The following PARP14 variants were observed in gnomAD, a reference collection of about 807,000 sequenced individuals.
The protein encoded by PARP14 is protein mono-ADP-ribosyltransferase PARP14.
PARP14 carries 59 observed loss-of-function variants against 154.2 expected under a neutral mutation model. The ratio of observed to expected loss-of-function variants is 0.38; its 90% CI spans 0.31 to 0.48. The LOEUF (loss-of-function observed/expected upper bound fraction) is 0.48, where lower values mean the gene tolerates loss of function less well. PARP14 is among the 20% of genes least tolerant of loss of function. The pLI, the probability that PARP14 is intolerant of heterozygous loss-of-function variation, is 0.98. For missense variants in PARP14, 1,734 were observed against 2,131.6 expected (o/e 0.81, Z 3.67); for synonymous variants, 720 against 780.5 (o/e 0.92, Z 1.29).
intron 9 of PARP14, among the ~76,000 whole-genome samples, chr3:122,710,492 A>G (rs1939290266): frequency 6.6e-6 from 1 of 152,048 alleles, no homozygotes; most frequent in Non-Finnish European, 1.5e-5. Flanking sequence ...GGGTAATGTG[A>G]TGTCTCCAGA....
intron 9 of PARP14, among the ~76,000 whole-genome samples, chr3:122,708,670 C>T (rs1464700013): frequency 6.6e-6 from 1 of 152,122 alleles, no homozygotes; most frequent in Non-Finnish European, 1.5e-5. Flanking sequence ...AAATGTATGT[C>T]TTTCATCAAA....
Position 122,729,898 on chromosome 3 carries a change from T to C in PARP14, c.*1301T>C, listed in dbSNP as rs907914092. 6.6e-6 allele frequency: 1 copy of C among 152,346 alleles called. No individual in the cohort carries two copies. Among genetic ancestry groups the C allele is most frequent in the Non-Finnish European group, 1.5e-5 (1 of 68,036 alleles). The allele number at this position is 152,346 out of a possible 1,614,324, so 9.4% of individuals were successfully genotyped here. ...AGCGTTTGATGATTTTAAAGCCTTATGTATAAATAAACCAAAGGAAGTAAG... is the reference window on the plus strand; with the variant it reads ...AGCGTTTGATGATTTTAAAGCCTTACGTATAAATAAACCAAAGGAAGTAAG... On this transcript the variant is annotated 3_prime_UTR_variant, in exon 17 of 17. Transcript: ENST00000474629.
intron 1 of PARP14, chr3:122,683,257 C>T (rs1156573219): frequency 2.0e-6 from 2 of 979,564 alleles, no homozygotes; most frequent in Non-Finnish European, 2.4e-6. Context: ...CATTCTTCTT[C>T]TGCAGAGGAC....
Position 122,701,139 on chromosome 3 carries a change from G to C in PARP14, c.2585G>C (p.Gly862Ala), listed in dbSNP as rs773698169. Residue 862 changes from glycine (G) to alanine (A), a missense_variant, in exon 6 of 17, where the codon GGC becomes GCC. Physicochemically the swap from Gly to Ala is moderately conservative, Grantham distance 60. Transcript: ENST00000474629. The surrounding 1 kb of genome is among the most constrained non-coding windows in gnomAD (Gnocchi z 4.0). Reference sequence around the variant, plus strand: ...AAGAGAGAGGGCAGACTCCTACCGGGCAATGCCACCATCTCCAAGGCAGGA... The same window carrying C: ...AAGAGAGAGGGCAGACTCCTACCGGCCAATGCCACCATCTCCAAGGCAGGA... ...IVKREGRLLP[G>A]NATISKAGKL... The C allele has an allele frequency of 6.2e-7, 1 of 1,613,952 alleles. No homozygotes were observed. The highest frequency in any genetic ancestry group is 1.1e-5 in the South Asian group (1 of 91,084).
intron 15 of PARP14, among the ~76,000 whole-genome samples, chr3:122,722,904 T>C (rs1207454267): frequency 2.0e-5 from 3 of 152,064 alleles, no homozygotes; most frequent in African/African-American, 7.2e-5. Flanking sequence ...AAACTTAACA[T>C]TAATTCAGTA....
intron 12 of PARP14, among the ~76,000 whole-genome samples, chr3:122,717,358 G>A (rs1303717986): frequency 6.6e-6 from 1 of 152,208 alleles, no homozygotes; most frequent in Non-Finnish European, 1.5e-5. Context: ...TACCTAGGCT[G>A]TTGCTTTCAT....
At position 122,685,286 on chromosome 3, in the gene PARP14, G is replaced by A. The variant is rs749044110; in HGVS notation, c.289G>A (p.Asp97Asn). The change falls in exon 2 of 17, where the codon GAT (aspartate) becomes AAT (asparagine). Residue 97 changes from aspartate (D) to asparagine (N), a missense_variant. Physicochemically the swap from Asp to Asn is conservative, Grantham distance 23. This residue lies in a region of PARP14 where 1,646 missense variants were observed against 1,976.0 expected (regional missense o/e 0.83). Coordinates refer to ENST00000474629, the MANE Select transcript of PARP14 (RefSeq NM_017554.3). ...GTTACCTGCAACCCCAGATGAAATC[G>A]ATCATGTCTTTGAAGAGGAACTTCT... ...VQLPATPDEIDHVFEEELLTK... is the reference protein window; with the variant it reads ...VQLPATPDEINHVFEEELLTK... 7.4e-6 allele frequency: 12 copies of A among 1,613,690 alleles called. No homozygotes were observed. Among genetic ancestry groups the A allele is most frequent in the South Asian group, 3.3e-5 (3 of 91,070 alleles).
At position 122,686,298 on chromosome 3, in the gene PARP14, C is replaced by T. The variant is rs182084640; in HGVS notation, c.322-782C>T. 3.9e-5 allele frequency among the ~76,000 whole-genome samples: 6 copies of T among 151,974 alleles called. No individual in the cohort carries two copies. The South Asian group carries it at 8.3e-4, about 21-fold the overall frequency. ...CCTCCCCAGTAGCTGGGACTGTAGG[C>T]ACATGCCACCACACCTGGCTAATTT... On this transcript the variant is annotated intron_variant, in intron 2 of 16. Transcript: ENST00000474629.
chr3:122,704,659 G>A lies in PARP14; in HGVS notation c.3451G>A (p.Glu1151Lys). 1 of 1,606,890 alleles carries A rather than the reference G, an allele frequency of 6.2e-7. No homozygotes were observed. Among genetic ancestry groups the A allele is most frequent in the Admixed American group, 1.7e-5 (1 of 59,196 alleles). The change falls in exon 8 of 17, where the codon GAG becomes AAG. Residue 1151 changes from glutamate (E) to lysine (K), a missense_variant. Physicochemically the swap from Glu to Lys is moderately conservative, Grantham distance 56. Coordinates refer to ENST00000474629, the MANE Select transcript of PARP14 (RefSeq NM_017554.3). ...KNIFAELIIS[E>K]VFKFSSKNQL... is the part of the protein sequence containing the mutation. ...CATATTCGCTGAATTAATCATTTCAGAGGTGTTCAAATTTAGTAGCAAGAA... is the reference window on the plus strand; with the variant it reads ...CATATTCGCTGAATTAATCATTTCAAAGGTGTTCAAATTTAGTAGCAAGAA...
chr3:122,724,645 AT>A (rs869132094), intron 15 of PARP14, among the ~76,000 whole-genome samples: 528 of 138,834 alleles, frequency 3.8e-3, no homozygotes, highest in South Asian at 5.2e-3. Flanking sequence ...TGAAAAAAAA[AT>A]TTTTTTTTTT....
At chr3:122,688,438 T>C (rs556682211) in intron 3 of PARP14, among the ~76,000 whole-genome samples, 1 of 152,288 alleles carries the variant, frequency 6.6e-6, no homozygotes, top group Non-Finnish European at 1.5e-5. Flanking sequence ...CTTCCACCAA[T>C]AGACTTTTCA....
chr3:122,720,774 T>A, intron 15 of PARP14: 4 of 458,694 alleles, frequency 8.7e-6, no homozygotes, highest in South Asian at 6.2e-5. Context: ...TCAACAGTGC[T>A]TCCTTGATAA....
chr3:122,707,230 T>A lies in PARP14; in HGVS notation c.3541-960T>A, dbSNP rs373268075. On this transcript the variant is annotated intron_variant, in intron 8 of 16. Transcript: ENST00000474629. ...GGTCAGGAGAACAGCCTGGCTAACATGGTGAAACCCCGTCTCTACTAAAAA... is the reference window on the plus strand; with the variant it reads ...GGTCAGGAGAACAGCCTGGCTAACAAGGTGAAACCCCGTCTCTACTAAAAA... Among the ~76,000 whole-genome samples, 12 of 151,824 alleles carry A rather than the reference T, an allele frequency of 7.9e-5. 2 individuals are homozygous for A. The highest frequency in any genetic ancestry group is 6.6e-5 in the Admixed American group (1 of 15,234).
chr3:122,690,067 C>G (rs1938491814), intron 3 of PARP14, among the ~76,000 whole-genome samples: 1 of 152,182 alleles, frequency 6.6e-6, no homozygotes, highest in African/African-American at 2.4e-5. Context: ...CAAGTCTTTC[C>G]ATGCCAGCCC....
intron 7 of PARP14, 90 bp from the exon 8 acceptor site, chr3:122,704,437 C>T (rs1337140790): frequency 6.7e-6 from 5 of 744,638 alleles, no homozygotes; most frequent in Admixed American, 2.5e-5. Context: ...AAGGAGTATT[C>T]AAGTTCACAA....
At chr3:122,702,564 G>A (rs1939011733) in intron 6 of PARP14, among the ~76,000 whole-genome samples, 1 of 152,230 alleles carries the variant, frequency 6.6e-6, no homozygotes, top group South Asian at 2.1e-4. Context: ...TCACTGCCAT[G>A]CGGCAGATTC....
rs186626014 is a variant in PARP14, at chr3:122,701,308, C to T, written c.2754C>T (p.Ile918=). 1 of 1,613,946 alleles carries T rather than the reference C, an allele frequency of 6.2e-7. No individual in the cohort carries two copies. Among genetic ancestry groups the T allele is most frequent in the Admixed American group, 1.7e-5 (1 of 60,024 alleles). ...AATACAAGTACCGATCCATAGCCAT[C>T]CCAGCTATTAGTTCTGGAGTCTTTG... is the stretch of plus-strand genomic sequence containing the variant. ...AEKYKYRSIA[I]PAISSGVFGF... Residue 918 remains isoleucine, a synonymous_variant, in exon 6 of 17, where the codon ATC becomes ATT. Transcript: ENST00000474629. The surrounding 1 kb of genome is among the most constrained non-coding windows in gnomAD (Gnocchi z 4.0).
Position 122,718,522 on chromosome 3 carries a change from C to T in PARP14, c.4371C>T (p.Tyr1457=), listed in dbSNP as rs1188690840. The change falls in exon 14 of 17, where the codon TAC becomes TAT. Residue 1457 remains tyrosine, a synonymous_variant. Coordinates refer to ENST00000474629, the MANE Select transcript of PARP14 (RefSeq NM_017554.3). Reference sequence around the variant, plus strand: ...TGATTGAAAAAGAACAGTGTCCTTACACCAGTGAAGATGAGTGCATCAAAG... The same window carrying T: ...TGATTGAAAAAGAACAGTGTCCTTATACCAGTGAAGATGAGTGCATCAAAG... ...QDLIEKEQCP[Y]TSEDECIKDF... is the part of the protein sequence containing the mutation. The T allele has an allele frequency of 3.1e-6, 5 of 1,613,724 alleles. No individual in the cohort carries two copies. The South Asian group carries it at 5.5e-5, about 18-fold the overall frequency.
intron 9 of PARP14, among the ~76,000 whole-genome samples, chr3:122,711,535 G>A (rs113529858): frequency 8.6e-5 from 13 of 151,978 alleles, no homozygotes; most frequent in Admixed American, 5.9e-4. Context: ...CAGGGATATT[G>A]GTCTGTAGTT....
Sources: gnomAD v4.1 joint callset for allele counts (sites outside exome capture counted in the v4.1 genomes callset) on GRCh38, gnomAD v4.1.1 for gene constraint, gnomAD v4.1.1 regional missense constraint, Gnocchi (gnomAD v3.1) non-coding constraint, MANE v1.5 for transcripts, NCBI Gene and HGNC (gene_info 2026-07-23, HGNC 2026-07-21) for gene names.